Variants in NYX observed in about 807,000 individuals in gnomAD.
NYX encodes nyctalopin.
For missense variants in NYX, 481 were observed against 485.4 expected (o/e 0.99, Z 0.09); for synonymous variants, 258 against 245.7 (o/e 1.05, Z -0.47).
Position 41,448,901 on chromosome X carries a change from A to G in NYX, c.22+975A>G, listed in dbSNP as rs1311522791. 2.7e-5 allele frequency among the ~76,000 whole-genome samples: 3 copies of G among 111,554 alleles called. No individual in the cohort carries two copies. In the Admixed American group the frequency reaches 2.9e-4, roughly 11 times the overall value. ...CACATTATTTTAAGCTCATTTAGTT[A>G]AAAACAAAAGTCCCTTTAAAAAACC... On this transcript the variant is annotated intron_variant, in intron 2 of 2. Coordinates refer to ENST00000378220, the MANE Select transcript of NYX (RefSeq NM_001378477.3).
At chrX:41,449,301 A>G (rs892952075) in intron 2 of NYX, among the ~76,000 whole-genome samples, 3 of 111,919 alleles carry the variant, frequency 2.7e-5, no homozygotes, top group Non-Finnish European at 5.6e-5. Flanking sequence ...CACCTTTTCA[A>G]AAACCGGAAC....
intron 2 of NYX, among the ~76,000 whole-genome samples, chrX:41,454,106 A>T (rs2064290722): frequency 8.9e-6 from 1 of 111,896 alleles, no homozygotes; most frequent in African/African-American, 3.2e-5. Flanking sequence ...CCAATGCCTG[A>T]TCCCACCCCT....
chrX:41,474,167 C>T lies in NYX; in HGVS notation c.699C>T (p.Asn233=), dbSNP rs1439533023. 3.5e-6 allele frequency: 4 copies of T among 1,150,701 alleles called. No individual in the cohort carries two copies. The African/African-American group carries it at 7.1e-5, about 20-fold the overall frequency. The allele number at this position is 1,150,701 out of a possible 1,213,427, so 94.8% of individuals were successfully genotyped here. A position where few individuals can be genotyped will look rare whatever the true frequency, so the allele number is the denominator to read the frequency against. Residue 233 remains asparagine, a synonymous_variant, in exon 3 of 3, where the codon AAC becomes AAT. Coordinates refer to ENST00000378220, the MANE Select transcript of NYX (RefSeq NM_001378477.3). ...DCGVLEHLLL[N]DNLLAELPAD... is the part of the protein sequence containing the mutation. ...GCGTCCTGGAGCATCTGCTGCTCAACGACAACCTGCTGGCCGAGCTCCCGG... is the reference window on the plus strand; with the variant it reads ...GCGTCCTGGAGCATCTGCTGCTCAATGACAACCTGCTGGCCGAGCTCCCGG...
At chrX:41,453,375 G>A (rs908955465) in intron 2 of NYX, among the ~76,000 whole-genome samples, 1 of 111,424 alleles carries the variant, frequency 9.0e-6, no homozygotes, top group African/African-American at 3.3e-5. Context: ...ATTCAGGGAC[G>A]CCTTGTAAGA....
At chrX:41,457,199 G>T (rs769410628) in intron 2 of NYX, among the ~76,000 whole-genome samples, 1 of 109,146 alleles carries the variant, frequency 9.2e-6, no homozygotes, top group Non-Finnish European at 1.9e-5. Context: ...CCAGCTACTC[G>T]GGAGGCTGAG....
intron 2 of NYX, among the ~76,000 whole-genome samples, chrX:41,465,978 C>A (rs1053678062): frequency 9.0e-6 from 1 of 111,481 alleles, no homozygotes; most frequent in Non-Finnish European, 1.9e-5. Flanking sequence ...TAAGGGGAAC[C>A]TGTATACTAA....
intron 2 of NYX, among the ~76,000 whole-genome samples, chrX:41,452,655 G>A (rs1403023393): frequency 9.0e-6 from 1 of 111,138 alleles, no homozygotes; most frequent in Non-Finnish European, 1.9e-5. Flanking sequence ...GCCTTTCTGG[G>A]GCCTTGCGTT....
At chrX:41,460,357 G>A (rs367887765) in intron 2 of NYX, among the ~76,000 whole-genome samples, 21 of 110,034 alleles carry the variant, frequency 1.9e-4, no homozygotes, top group Non-Finnish European at 3.2e-4. Flanking sequence ...TAGTAGAGAC[G>A]GGGTTTCGCC....
In NYX at chrX:41,474,844, C is replaced by A. The variant is rs1221144794; in HGVS notation, c.1376C>A (p.Ser459Tyr). 8.3e-7 allele frequency: 1 copy of A among 1,207,643 alleles called. No individual in the cohort carries two copies. Among genetic ancestry groups the A allele is most frequent in the East Asian group, 3.0e-5 (1 of 33,758 alleles). The change falls in exon 3 of 3, where the codon TCT becomes TAT. Residue 459 changes from serine to tyrosine, a missense_variant. Transcript: ENST00000378220. ...CGGCAGCCCTGGTTTCTCCTCGCCT[C>A]TTGTCTCCTGCCCAGCGTGGCCCAG... ...AGRQPWFLLA[S>Y]CLLPSVAQHV...
intron 2 of NYX, among the ~76,000 whole-genome samples, chrX:41,458,366 GA>G (rs926219432): frequency 4.5e-5 from 5 of 112,129 alleles, no homozygotes; most frequent in South Asian, 7.3e-4. Flanking sequence ...TAACCGTCCT[GA>G]ACCTCAGTTT....
intron 2 of NYX, among the ~76,000 whole-genome samples, chrX:41,450,212 C>T (rs2064273850): frequency 8.9e-6 from 1 of 112,337 alleles, no homozygotes; most frequent in Non-Finnish European, 1.9e-5. Context: ...TTTACAGGGT[C>T]TTTCACATGT....
chrX:41,464,378 A>T (rs1016998204), intron 2 of NYX, among the ~76,000 whole-genome samples: 8 of 110,859 alleles, frequency 7.2e-5, no homozygotes, highest in Non-Finnish European at 1.5e-4. Context: ...GGCTCAAGCG[A>T]TCCACCCACC....
At chrX:41,454,339 GTC>G (rs1221609109) in intron 2 of NYX, among the ~76,000 whole-genome samples, 2 of 109,917 alleles carry the variant, frequency 1.8e-5, no homozygotes, top group East Asian at 5.7e-4. Flanking sequence ...TTGAGATGGA[GTC>G]TCACTCTGTC....
chrX:41,453,088 G>C (rs1334234676), intron 2 of NYX, among the ~76,000 whole-genome samples: 1 of 112,522 alleles, frequency 8.9e-6, no homozygotes, highest in Non-Finnish European at 1.9e-5. Flanking sequence ...TAAGGCTCAA[G>C]TTCTTTTAAA....
chrX:41,452,026 T>A (rs988305699), intron 2 of NYX, among the ~76,000 whole-genome samples: 2 of 110,593 alleles, frequency 1.8e-5, no homozygotes, highest in African/African-American at 6.6e-5. Context: ...CAGGCTGGAG[T>A]GTAGTGGTGC....
chrX:41,466,187 T>G (rs1053772332), intron 2 of NYX, among the ~76,000 whole-genome samples: 6 of 111,668 alleles, frequency 5.4e-5, no homozygotes, highest in Non-Finnish European at 1.1e-4. Flanking sequence ...CCCAGCACTT[T>G]GGGAGGCCGA....
At chrX:41,448,652 G>A (rs188038417) in intron 2 of NYX, among the ~76,000 whole-genome samples, 1 of 104,984 alleles carries the variant, frequency 9.5e-6, no homozygotes, top group Non-Finnish European at 1.9e-5. Context: ...TCCGCCTCCC[G>A]GGTTCAAGTG....
intron 2 of NYX, among the ~76,000 whole-genome samples, chrX:41,458,078 G>C (rs1261852468): frequency 9.0e-6 from 1 of 111,451 alleles, no homozygotes; most frequent in Admixed American, 9.6e-5. Context: ...AGATGGGGCT[G>C]AACCTGCTTT....
chrX:41,473,906 C>G lies in NYX; in HGVS notation c.438C>G (p.Pro146=), dbSNP rs746357984. 4 of 1,124,892 alleles carry G rather than the reference C, an allele frequency of 3.6e-6. No homozygotes were observed. Among genetic ancestry groups the G allele is most frequent in the South Asian group, 4.0e-5 (2 of 50,316 alleles). 92.7% of individuals were successfully genotyped at this position (1,124,892 alleles called of 1,213,427 possible). A position where few individuals can be genotyped will look rare whatever the true frequency, so the allele number is the denominator to read the frequency against. ...CAGCCTGCCGCCTCTTCAGCGTGCC[C>G]GAGCGCCTCCTGGCCGAACTGCCGG... ...DLAACRLFSV[P]ERLLAELPAL... Residue 146 remains proline (P), a synonymous_variant, in exon 3 of 3, where the codon CCC becomes CCG. Transcript: ENST00000378220.
Sources: allele counts gnomAD v4.1 joint callset (sites outside exome capture counted in the v4.1 genomes callset), GRCh38; gene constraint gnomAD v4.1.1; transcripts MANE v1.5; gene names NCBI Gene and HGNC (gene_info 2026-07-23, HGNC 2026-07-21).